The following ZNF581 variants were observed in gnomAD, a reference collection of about 807,000 sequenced individuals.
ZNF581 encodes the protein zinc finger protein 581.
A neutral mutation model predicts 1.2 loss-of-function variants in ZNF581; 1 was observed. That is an observed-to-expected ratio of 0.83 (90% CI 0.30 to 3.95). The LOEUF (loss-of-function observed/expected upper bound fraction) is 3.95. ZNF581 is among the 30% of genes most tolerant of loss of function. The pLI is 0.18. For synonymous variants in ZNF581, 105 were observed against 109.2 expected, an observed-to-expected ratio of 0.96 and a Z score of 0.24; for missense variants, 273 against 274.6, an observed-to-expected ratio of 0.99 and a Z score of 0.04.
At position 55,644,198 on chromosome 19, in the gene ZNF581, A is replaced by T. The variant is rs1187166024; in HGVS notation, c.-19-355A>T. ...CAACACGCAGACCCTGGAAAGGGCT[A>T]GAAGGAGGGGAGGGAGAGGCCTGGA... On this transcript the variant is annotated intron_variant, in intron 1 of 1. Coordinates refer to ENST00000270451, the MANE Select transcript of ZNF581 (RefSeq NM_016535.4). This position sits in a 1 kb window ranked among gnomAD's most constrained non-coding sequence, Gnocchi z 4.3. Among the ~76,000 whole-genome samples, 3 of 147,236 alleles carry T rather than the reference A, an allele frequency of 2.0e-5. No individual in the cohort carries two copies. The highest frequency in any genetic ancestry group is 4.5e-5 in the Non-Finnish European group (3 of 66,600).
upstream of ZNF581, chr19:55,642,409 C>T (rs1982562689): frequency 1.4e-5 from 19 of 1,357,524 alleles, no homozygotes; most frequent in Non-Finnish European, 1.8e-5. Context: ...GGGTAACAAG[C>T]AGTGATAGTG....
At chr19:55,642,168 G>T, upstream of ZNF581, 1 of 1,092,482 alleles carries the variant, frequency 9.2e-7, no homozygotes, top group South Asian at 4.4e-5. Flanking sequence ...TTTAGGGATT[G>T]ATTGTCTGCT....
chr19:55,642,966 C>G, upstream of ZNF581: 1 of 1,403,792 alleles, frequency 7.1e-7, no homozygotes, highest in Non-Finnish European at 9.2e-7. Context: ...CACACCTGCC[C>G]GCTCTGCCCA....
chr19:55,638,315 T>C (rs750004128), upstream of ZNF581, among the ~76,000 whole-genome samples: 2 of 152,136 alleles, frequency 1.3e-5, no homozygotes, highest in African/African-American at 2.4e-5. Flanking sequence ...CTCGGTTCAC[T>C]GCAACCTCTG....
chr19:55,645,211 C>T lies in ZNF581; in HGVS notation c.*46C>T. ...AGGTACCACAGGACTTTGCAGGGAG[C>T]CTGGACTCCTGTCCAGACACCTGGT... On this transcript the variant is annotated 3_prime_UTR_variant, in exon 2 of 2. Transcript: ENST00000270451. The T allele has an allele frequency of 6.8e-7, 1 of 1,471,214 alleles. No individual in the cohort carries two copies. Among genetic ancestry groups the T allele is most frequent in the South Asian group, 1.4e-5 (1 of 72,502 alleles). 91.1% of individuals were successfully genotyped at this position (1,471,214 alleles called of 1,614,324 possible).
At chr19:55,640,232 C>T, upstream of ZNF581, 1 of 985,456 alleles carries the variant, frequency 1.0e-6, no homozygotes, top group Non-Finnish European at 1.2e-6. Flanking sequence ...TGCAGCTCTC[C>T]AGTGCGGCTG....
chr19:55,640,200 C>T (rs1982363701), upstream of ZNF581: 1 of 985,472 alleles, frequency 1.0e-6, no homozygotes, highest in African/African-American at 1.7e-5. Context: ...GGAGCTGCAG[C>T]TGCCCCGAGT....
Position 55,644,559 on chromosome 19 carries a change from G to A in ZNF581, c.-13G>A, listed in dbSNP as rs1192122199. 6.4e-7 allele frequency: 1 copy of A among 1,570,464 alleles called. No individual in the cohort carries two copies. Among genetic ancestry groups the A allele is most frequent in the South Asian group, 1.2e-5 (1 of 84,342 alleles). ...CCCATCTCCCATCCACCAGGCCTCA[G>A]CCAGCCCTCCGGATGCTGGTGCTGC... is the stretch of plus-strand genomic sequence containing the variant. On this transcript the variant is annotated 5_prime_UTR_variant, in exon 2 of 2. Coordinates refer to ENST00000270451, the MANE Select transcript of ZNF581 (RefSeq NM_016535.4). This position sits in a 1 kb window ranked among gnomAD's most constrained non-coding sequence, Gnocchi z 4.3.
upstream of ZNF581, chr19:55,642,940 C>T: frequency 6.9e-7 from 1 of 1,441,570 alleles, no homozygotes; most frequent in Non-Finnish European, 9.1e-7. Flanking sequence ...CGCACCGCGC[C>T]CGCGCCGGGC....
upstream of ZNF581, chr19:55,641,279 TG>T (rs1285306446): frequency 1.4e-5 from 11 of 764,740 alleles, no homozygotes; most frequent in African/African-American, 2.1e-5. Flanking sequence ...GGGATGGGGG[TG>T]GGGGTCGGGA....
chr19:55,640,675 A>G (rs1358203048), upstream of ZNF581: 6 of 985,284 alleles, frequency 6.1e-6, no homozygotes, highest in Non-Finnish European at 6.0e-6. Flanking sequence ...AGCCGGCAGG[A>G]ACATCCCTTC....
chr19:55,642,646 AC>A, upstream of ZNF581: 1 of 1,422,048 alleles, frequency 7.0e-7, no homozygotes, highest in Non-Finnish European at 9.2e-7. Flanking sequence ...CGGGGCCCCG[AC>A]CCCCGCGGCT....
upstream of ZNF581, among the ~76,000 whole-genome samples, chr19:55,636,719 A>G (rs1252510701): frequency 1.3e-5 from 2 of 152,072 alleles, no homozygotes; most frequent in Non-Finnish European, 2.9e-5. Context: ...AAATGAACAG[A>G]CGGAGGACGC....
upstream of ZNF581, among the ~76,000 whole-genome samples, chr19:55,637,408 G>A (rs368557857): frequency 4.2e-4 from 64 of 152,230 alleles, no homozygotes; most frequent in African/African-American, 1.3e-3. Context: ...ATGGTGGTGC[G>A]CGCCTGTAAT....
upstream of ZNF581, chr19:55,643,027 A>G: frequency 7.4e-7 from 1 of 1,360,012 alleles, no homozygotes. Flanking sequence ...GCCTCCACTA[A>G]GCTCGAGACC....
upstream of ZNF581, chr19:55,640,506 C>T (rs1226791508): frequency 1.0e-6 from 1 of 985,354 alleles, no homozygotes; most frequent in Non-Finnish European, 1.2e-6. Flanking sequence ...GGCCTCGGTT[C>T]CCGCATGTGC....
In ZNF581 at chr19:55,644,889, C is replaced by T. The variant is rs1982758848; in HGVS notation, c.318C>T (p.Ser106=). The T allele has an allele frequency of 1.2e-6, 2 of 1,613,900 alleles. No homozygotes were observed. The highest frequency in any genetic ancestry group is 1.1e-5 in the South Asian group (1 of 91,090). The change falls in exon 2 of 2, where the codon AGC becomes AGT. Residue 106 remains serine, a synonymous_variant. Transcript: ENST00000270451. This position sits in a 1 kb window ranked among gnomAD's most constrained non-coding sequence, Gnocchi z 4.3. ...ACATGTCCTACCTTCAGCGACACAG[C>T]ATCACCCACTCGGAGGTAAAGCCCT... is the stretch of plus-strand genomic sequence containing the variant. ...FEYMSYLQRH[S]ITHSEVKPFE...
chr19:55,636,474 T>A (rs1451927325), upstream of ZNF581, among the ~76,000 whole-genome samples: 3 of 152,080 alleles, frequency 2.0e-5, no homozygotes, highest in African/African-American at 7.2e-5. Flanking sequence ...GGTGGGGAGC[T>A]GGGTAGGGAG....
chr19:55,637,579 A>G (rs1667315909), upstream of ZNF581, among the ~76,000 whole-genome samples: 2 of 151,860 alleles, frequency 1.3e-5, no homozygotes, highest in Admixed American at 1.3e-4. Flanking sequence ...GGAGGGAGAG[A>G]GTGATGGAGG....
Sources: gnomAD v4.1 joint callset for allele counts (sites outside exome capture counted in the v4.1 genomes callset) on GRCh38, gnomAD v4.1.1 for gene constraint, Gnocchi (gnomAD v3.1) non-coding constraint, MANE v1.5 for transcripts, NCBI Gene and HGNC (gene_info 2026-07-23, HGNC 2026-07-21) for gene names.